Variants in BRI3 observed in about 807,000 individuals in gnomAD.
BRI3 encodes brain protein I3.
Under a neutral mutation model 12.8 loss-of-function variants are expected in BRI3, and 6 were observed. The observed-to-expected ratio is 0.47, with a 90% CI of 0.26 to 0.93. BRI3 has a LOEUF of 0.93. Among genes scored for constraint, BRI3 ranks in the 40% least tolerant of loss-of-function variants. BRI3 has a pLI of 0.15. For synonymous variants in BRI3, 91 were observed against 76.1 expected (o/e 1.20, Z -1.02); for missense variants, 134 against 171.1 (o/e 0.78, Z 1.21).
At chr7:98,294,124 TAAAG>T (rs776353868), downstream of BRI3, 63 of 1,613,614 alleles carry the variant, frequency 3.9e-5, no homozygotes, top group East Asian at 3.1e-4. Context: ...GTGAGAAAGA[TAAAG>T]AAGTTTATGG....
At chr7:98,300,261 TC>T (rs11290747) in intron 1 of BRI3, among the ~76,000 whole-genome samples, 120,646 of 151,958 alleles carry the variant, frequency 0.79, 48,025 homozygotes, top group Non-Finnish European at 0.82. Flanking sequence ...ACACAGCCAT[TC>T]CCCCTGCTCC....
At chr7:98,306,064 A>G (rs1434345953), upstream of BRI3, among the ~76,000 whole-genome samples, 3 of 152,216 alleles carry the variant, frequency 2.0e-5, no homozygotes, top group Non-Finnish European at 4.4e-5. Context: ...CCGGGGCCAG[A>G]GAACATTCCA....
downstream of BRI3, among the ~76,000 whole-genome samples, chr7:98,297,608 G>T (rs1169871016): frequency 6.6e-6 from 1 of 152,210 alleles, no homozygotes; most frequent in Non-Finnish European, 1.5e-5. Context: ...CCTCGTCTGT[G>T]GCCCGGACTT....
Position 98,286,287 on chromosome 7 carries a change from G to A in BRI3, c.245+3834G>A, listed in dbSNP as rs150526266. Among the ~76,000 whole-genome samples the A allele has an allele frequency of 1.4e-4, 22 of 152,340 alleles. 1 individual carries two copies. Among genetic ancestry groups the A allele is most frequent in the African/African-American group, 5.0e-4 (21 of 41,592 alleles). Reference sequence around the variant, plus strand: ...GCCCCCTCTGTCCTTGGTGAGGCGGGAGCCCCGCGGCCTCTACTGTCCCAG... The same window carrying A: ...GCCCCCTCTGTCCTTGGTGAGGCGGAAGCCCCGCGGCCTCTACTGTCCCAG... On this transcript the variant is annotated intron_variant, in intron 2 of 2. Transcript: ENST00000297290.
downstream of BRI3, chr7:98,312,339 A>G: frequency 2.0e-6 from 3 of 1,464,128 alleles, no homozygotes; most frequent in South Asian, 4.0e-5. Context: ...ATCACGTCAT[A>G]TCGCTGATAA....
chr7:98,286,590 C>T (rs6968193), intron 2 of BRI3, among the ~76,000 whole-genome samples: 61,139 of 151,982 alleles, frequency 0.4, 13,419 homozygotes, highest in Middle Eastern at 0.54. Context: ...CTGTGGGGAC[C>T]GCAGGTGTTC....
At chr7:98,306,817 CCT>C (rs1281743399) in intron 1 of BRI3, 3 of 384,464 alleles carry the variant, frequency 7.8e-6, no homozygotes, top group Non-Finnish European at 1.5e-5. Context: ...AAGCAATCCC[CCT>C]GCCTCAGCAT....
At chr7:98,318,797 A>C in the BRI3 span, among the ~76,000 whole-genome samples, 3 of 151,612 alleles carry the variant, frequency 2.0e-5, no homozygotes, top group South Asian at 6.3e-4. Flanking sequence ...TACAAAAATT[A>C]GCCGGGTGCA....
At chr7:98,318,434 G>C in the BRI3 span, among the ~76,000 whole-genome samples, 1 of 151,784 alleles carries the variant, frequency 6.6e-6, no homozygotes, top group Non-Finnish European at 1.5e-5. Flanking sequence ...GATTACAGGC[G>C]CACACAACCA....
downstream of BRI3, among the ~76,000 whole-genome samples, chr7:98,295,259 T>G (rs6969731): frequency 0.4 from 61,310 of 152,056 alleles, 13,473 homozygotes; most frequent in Middle Eastern, 0.54. Flanking sequence ...CGGAAGGCAG[T>G]TTGGGAGCCC....
At chr7:98,284,531 G>A (rs369592787) in intron 2 of BRI3, among the ~76,000 whole-genome samples, 3 of 152,162 alleles carry the variant, frequency 2.0e-5, no homozygotes, top group South Asian at 2.1e-4. Flanking sequence ...ACGTCTGGCC[G>A]CTGCCTGGCG....
At chr7:98,291,087 CCT>C (rs368070657) in intron 2 of BRI3, 22 bp from the exon 3 acceptor site, 162 of 1,613,686 alleles carry the variant, frequency 1.0e-4, no homozygotes, top group Middle Eastern at 8.3e-4. Context: ...ACGGTGCCAC[CCT>C]CTCTGCCCGT....
downstream of BRI3, chr7:98,292,517 A>G (rs1800009768): frequency 4.2e-6 from 4 of 946,890 alleles, no homozygotes; most frequent in Non-Finnish European, 4.9e-6. Flanking sequence ...GATCCTTGGC[A>G]GCCAAAGATG....
upstream of BRI3, among the ~76,000 whole-genome samples, chr7:98,304,783 A>G (rs1800574420): frequency 6.6e-6 from 1 of 151,804 alleles, no homozygotes; most frequent in South Asian, 2.1e-4. Context: ...TCCTGACCTC[A>G]GCTGGGATTA....
At chr7:98,304,071 C>T (rs1800533643), upstream of BRI3, 4 of 1,034,066 alleles carry the variant, frequency 3.9e-6, no homozygotes, top group Non-Finnish European at 4.0e-6. Flanking sequence ...CTCCTCCCTC[C>T]TCCCCGGGGA....
chr7:98,318,880 G>A, the BRI3 span, among the ~76,000 whole-genome samples: 1 of 148,936 alleles, frequency 6.7e-6, no homozygotes, highest in African/African-American at 2.5e-5. Flanking sequence ...GGAGGCGGAG[G>A]TTGCAGTGAG....
intron 1 of BRI3, among the ~76,000 whole-genome samples, chr7:98,298,053 G>A (rs962176855): frequency 6.6e-6 from 1 of 151,744 alleles, no homozygotes; most frequent in African/African-American, 2.4e-5. Flanking sequence ...CAACATAACA[G>A]GATCTTATCA....
exon 2 of BRI3, chr7:98,308,376 C>T (rs892180947): frequency 2.3e-6 from 1 of 436,106 alleles, no homozygotes; most frequent in Non-Finnish European, 4.6e-6. Flanking sequence ...GCTTCTCACC[C>T]CCAGGCCTAA....
downstream of BRI3, chr7:98,293,373 CAG>C (rs1470149217): frequency 2.9e-5 from 21 of 713,548 alleles, no homozygotes; most frequent in Non-Finnish European, 4.1e-5. Context: ...CTACGTGAAA[CAG>C]AGAAGCATGA....
Sources: gnomAD v4.1 joint callset for allele counts (sites outside exome capture counted in the v4.1 genomes callset) on GRCh38, gnomAD v4.1.1 for gene constraint, MANE v1.5 for transcripts, NCBI Gene and HGNC (gene_info 2026-07-23, HGNC 2026-07-21) for gene names.